Variants in CNTNAP2 observed in about 807,000 individuals in gnomAD.
The protein encoded by CNTNAP2 is contactin-associated protein-like 2.
A neutral mutation model predicts 155.2 loss-of-function variants in CNTNAP2; 98 were observed. The observed-to-expected ratio is 0.63, with a 90% CI of 0.54 to 0.75. The LOEUF (loss-of-function observed/expected upper bound fraction) is 0.75, where lower values mean the gene tolerates loss of function less well. Among genes scored for constraint, CNTNAP2 ranks in the 30% least tolerant of loss-of-function variants. The pLI, the probability that CNTNAP2 is intolerant of heterozygous loss-of-function variation, is 0.00. For synonymous variants in CNTNAP2, 651 were observed against 631.2 expected (o/e 1.03, Z -0.47); for missense variants, 1,727 against 1,688.1 (o/e 1.02, Z -0.40).
At chr7:148,273,837 C>G (rs944326238) in intron 21 of CNTNAP2, among the ~76,000 whole-genome samples, 3 of 152,002 alleles carry the variant, frequency 2.0e-5, no homozygotes, top group Non-Finnish European at 4.4e-5. Context: ...GCTAGTAGCC[C>G]CTATATTATT....
intron 1 of CNTNAP2, among the ~76,000 whole-genome samples, chr7:146,171,530 G>A (rs7805036): frequency 0.033 from 5,031 of 152,120 alleles, 280 homozygotes; most frequent in African/African-American, 0.12. Flanking sequence ...TTCAAGGTTT[G>A]TTTTAATCAA....
chr7:146,394,095 C>T (rs1027127571), intron 1 of CNTNAP2, among the ~76,000 whole-genome samples: 2 of 152,060 alleles, frequency 1.3e-5, no homozygotes, highest in South Asian at 2.1e-4. Flanking sequence ...TGACCCATGG[C>T]AATTTGTGTT....
At chr7:147,809,018 A>C (rs915980903) in intron 13 of CNTNAP2, among the ~76,000 whole-genome samples, 1 of 152,090 alleles carries the variant, frequency 6.6e-6, no homozygotes, top group Non-Finnish European at 1.5e-5. Context: ...TTTGGCTTTT[A>C]GGAGAGGTTC....
chr7:148,347,076 G>A (rs935721026), intron 21 of CNTNAP2, among the ~76,000 whole-genome samples: 1 of 151,890 alleles, frequency 6.6e-6, no homozygotes, highest in African/African-American at 2.4e-5. Context: ...GGCCAACATG[G>A]TGAAACCCCG....
intron 10 of CNTNAP2, among the ~76,000 whole-genome samples, chr7:147,406,871 A>G (rs1469160961): frequency 3.3e-5 from 5 of 152,224 alleles, no homozygotes; most frequent in Admixed American, 3.3e-4. Context: ...ATTATCTACA[A>G]TTGTGATCAG....
chr7:146,270,938 T>C (rs1258989063), intron 1 of CNTNAP2, among the ~76,000 whole-genome samples: 1 of 152,056 alleles, frequency 6.6e-6, no homozygotes, highest in African/African-American at 2.4e-5. Context: ...CCCAGAAAAC[T>C]ATATAGAGTT....
chr7:147,198,269 A>G (rs1802847201), intron 8 of CNTNAP2, among the ~76,000 whole-genome samples: 1 of 117,072 alleles, frequency 8.5e-6, no homozygotes, highest in South Asian at 2.9e-4. Context: ...GAAGTCTCGT[A>G]GGCCCGGGCT....
In CNTNAP2 at chr7:148,355,650, C is replaced by T. The variant is rs138333181; in HGVS notation, c.3476-27999C>T. On this transcript the variant is annotated intron_variant, in intron 21 of 23. Coordinates refer to ENST00000361727, the MANE Select transcript of CNTNAP2 (RefSeq NM_014141.6). The stretch of plus-strand genomic sequence containing the variant: ...TTCCCATAAGTGAGCACCAACAGTA[C>T]GCAGCGGCTGACACGTGTGAATCCA... 2.5e-3 allele frequency among the ~76,000 whole-genome samples: 382 copies of T among 152,308 alleles called. 1 individual carries two copies. The highest frequency in any genetic ancestry group is 8.5e-3 in the African/African-American group (354 of 41,558).
chr7:148,123,637 A>AAGGAAGGGAGAGC (rs1804647757), intron 16 of CNTNAP2, among the ~76,000 whole-genome samples: 1 of 27,658 alleles, frequency 3.6e-5, no homozygotes, highest in African/African-American at 1.3e-4. Context: ...GGAGAGCAGG[A>AAGGAAGGGAGAGC]AGGAAGGAAG....
chr7:148,330,412 CAGAT>C (rs1253164881), intron 21 of CNTNAP2, among the ~76,000 whole-genome samples: 14 of 131,738 alleles, frequency 1.1e-4, no homozygotes, highest in African/African-American at 3.5e-4. Context: ...ATGGAGTGGA[CAGAT>C]GGATGGAGTG....
rs1295501257 is a variant in CNTNAP2, at chr7:147,657,589, G to C, written c.2098+18283G>C. On this transcript the variant is annotated intron_variant, in intron 13 of 23. Transcript: ENST00000361727. ...TATAGAAACAAAGCAATTCCAGTAA[G>C]ATATATAAAATATGTGCAGGCATGA... 5.3e-5 allele frequency among the ~76,000 whole-genome samples: 8 copies of C among 151,904 alleles called. No homozygotes were observed. The East Asian group carries it at 1.5e-3, about 29-fold the overall frequency.
chr7:147,775,305 TTATAAATATA>T (rs1797555868), intron 13 of CNTNAP2, among the ~76,000 whole-genome samples: 1 of 50,070 alleles, frequency 2.0e-5, no homozygotes, highest in Admixed American at 2.9e-4. Flanking sequence ...TTATATATAT[TTATAAATATA>T]TATATATTTA....
At chr7:147,337,538 G>T (rs1426390041) in intron 9 of CNTNAP2, among the ~76,000 whole-genome samples, 1 of 151,574 alleles carries the variant, frequency 6.6e-6, no homozygotes, top group African/African-American at 2.4e-5. Context: ...CTAAGTTAGG[G>T]TATGCAATAT....
chr7:146,710,214 C>G (rs1426343043), intron 1 of CNTNAP2, among the ~76,000 whole-genome samples: 2 of 152,256 alleles, frequency 1.3e-5, no homozygotes, highest in East Asian at 3.9e-4. Context: ...AGGACACAAA[C>G]ACAAAATCTA....
intron 1 of CNTNAP2, among the ~76,000 whole-genome samples, chr7:146,300,628 A>G (rs1279964336): frequency 6.6e-6 from 1 of 152,164 alleles, no homozygotes; most frequent in Non-Finnish European, 1.5e-5. Context: ...TTGGCCATAT[A>G]GTTTCAAGTT....
intron 8 of CNTNAP2, among the ~76,000 whole-genome samples, chr7:147,236,549 T>C (rs1417949325): frequency 6.6e-6 from 1 of 151,978 alleles, no homozygotes; most frequent in Non-Finnish European, 1.5e-5. Flanking sequence ...TCACTTGTCG[T>C]ATTCCTTCAA....
At chr7:146,615,661 G>A (rs1182389514) in intron 1 of CNTNAP2, among the ~76,000 whole-genome samples, 5 of 152,180 alleles carry the variant, frequency 3.3e-5, no homozygotes, top group Non-Finnish European at 5.9e-5. Flanking sequence ...CTCAACTGAA[G>A]GGCAAATGGA....
intron 3 of CNTNAP2, among the ~76,000 whole-genome samples, chr7:146,847,283 C>T (rs1263061029): frequency 1.3e-5 from 2 of 152,088 alleles, no homozygotes; most frequent in African/African-American, 4.8e-5. Flanking sequence ...AATCATGCTT[C>T]TTATGTGCCT....
chr7:147,180,066 C>A (rs1206188028), intron 8 of CNTNAP2, among the ~76,000 whole-genome samples: 1 of 152,098 alleles, frequency 6.6e-6, no homozygotes, highest in Admixed American at 6.5e-5. Context: ...TACCCAGGAA[C>A]AGGCCTGGAG....
Sources: gnomAD v4.1 joint callset for allele counts (sites outside exome capture counted in the v4.1 genomes callset) on GRCh38, gnomAD v4.1.1 for gene constraint, MANE v1.5 for transcripts, NCBI Gene and HGNC (gene_info 2026-07-23, HGNC 2026-07-21) for gene names.